The following OTULIN variants were observed in gnomAD, a reference collection of about 807,000 sequenced individuals.
OTULIN encodes the protein ubiquitin thioesterase otulin.
A neutral mutation model predicts 39.6 loss-of-function variants in OTULIN; 15 were observed. The observed-to-expected ratio is 0.38, with a 90% confidence interval of 0.25 to 0.58. OTULIN has a LOEUF of 0.58. Among genes scored for constraint, OTULIN ranks in the 20% least tolerant of loss-of-function variants. The pLI is 0.66. For missense variants in OTULIN, 319 were observed against 445.9 expected, an observed-to-expected ratio of 0.72 and a Z score of 2.56; for synonymous variants, 156 against 170.3, an observed-to-expected ratio of 0.92 and a Z score of 0.65.
chr5:14,674,425 A>G (rs1251220149), intron 2 of OTULIN, among the ~76,000 whole-genome samples: 1 of 152,254 alleles, frequency 6.6e-6, no homozygotes, highest in African/African-American at 2.4e-5. Flanking sequence ...TGTGTAATGT[A>G]TAAGGAGACT....
chr5:14,678,381 T>C (rs1736158800), intron 2 of OTULIN, among the ~76,000 whole-genome samples: 1 of 152,228 alleles, frequency 6.6e-6, no homozygotes, highest in Non-Finnish European at 1.5e-5. Flanking sequence ...CCTGGAGCTC[T>C]CTGAGCGCAG....
rs1304356377 is a variant in OTULIN at position 14,681,501 on chromosome 5, G to A, written c.362G>A (p.Arg121Gln). 6.2e-7 allele frequency: 1 copy of A among 1,613,524 alleles called. No homozygotes were observed. Among genetic ancestry groups the A allele is most frequent in the East Asian group, 2.2e-5 (1 of 44,858 alleles). Reference sequence around the variant, plus strand: ...GTTTCTCAGAAGTTCACCTCCATACGGCGAGTCCGTGGTGATAATTACTGT... The same window carrying A: ...GTTTCTCAGAAGTTCACCTCCATACAGCGAGTCCGTGGTGATAATTACTGT... Reference protein sequence around the residue: ...EEVSQKFTSIRRVRGDNYCAL... With the variant: ...EEVSQKFTSIQRVRGDNYCAL... The change falls in exon 4 of 7, where the codon CGG becomes CAG. Residue 121 changes from arginine to glutamine, a missense_variant. Arg to Gln is a conservative substitution (Grantham distance 43). This residue lies in a region of OTULIN where 27 missense variants were observed against 58.8 expected (regional missense o/e 0.46). Coordinates refer to ENST00000284274, the MANE Select transcript of OTULIN (RefSeq NM_138348.6).
chr5:14,714,820 G>A, the OTULIN span, among the ~76,000 whole-genome samples: 1 of 152,214 alleles, frequency 6.6e-6, no homozygotes, highest in Non-Finnish European at 1.5e-5. Context: ...GTGTCAAATG[G>A]ACAGTAAAGG....
intron 1 of OTULIN, among the ~76,000 whole-genome samples, chr5:14,670,721 C>T (rs1195455827): frequency 6.6e-6 from 1 of 152,104 alleles, no homozygotes; most frequent in African/African-American, 2.4e-5. Context: ...CCTCTCTCCT[C>T]AGCCTCCTTT....
At chr5:14,713,811 C>T in the OTULIN span, 1 of 1,212,788 alleles carries the variant, frequency 8.2e-7, no homozygotes, top group African/African-American at 1.5e-5. The surrounding 1 kb of genome is among the most constrained non-coding windows in gnomAD (Gnocchi z 4.4). Flanking sequence ...ACCTCATCTT[C>T]CTGCCAGGGT....
the OTULIN span, chr5:14,713,464 G>A: frequency 5.7e-6 from 9 of 1,574,502 alleles, no homozygotes; most frequent in South Asian, 9.1e-5. This position sits in a 1 kb window ranked among gnomAD's most constrained non-coding sequence, Gnocchi z 4.4. Flanking sequence ...GATTTCCCCT[G>A]AAAATGTAGC....
chr5:14,671,903 C>A (rs1222476048), intron 1 of OTULIN, among the ~76,000 whole-genome samples: 1 of 151,968 alleles, frequency 6.6e-6, no homozygotes, highest in Non-Finnish European at 1.5e-5. Context: ...TAAAAAAGCC[C>A]TTTAAGGTGA....
rs549009520 is a variant in OTULIN at position 14,690,326 on chromosome 5, G to T, written c.864+18G>T. On this transcript the variant is annotated intron_variant, in intron 6 of 6. Coordinates refer to ENST00000284274, the MANE Select transcript of OTULIN (RefSeq NM_138348.6). This position sits in a 1 kb window ranked among gnomAD's most constrained non-coding sequence, Gnocchi z 4.5. ...TTGAACAGGTAAGTTGTGCTTTTGA[G>T]CATGTATTACCCCAAAATAAAGCAG... is the stretch of plus-strand genomic sequence containing the variant. The T allele has an allele frequency of 6.2e-7, 1 of 1,609,202 alleles. No homozygotes were observed. Among genetic ancestry groups the T allele is most frequent in the Non-Finnish European group, 8.5e-7 (1 of 1,177,442 alleles).
the OTULIN span, chr5:14,711,286 C>T: frequency 6.2e-7 from 1 of 1,613,996 alleles, no homozygotes; most frequent in Non-Finnish European, 8.5e-7. Context: ...CCCTCCGTGG[C>T]CGACTCATTC....
intron 4 of OTULIN, among the ~76,000 whole-genome samples, chr5:14,686,132 C>T (rs911859472): frequency 6.6e-6 from 1 of 152,262 alleles, no homozygotes; most frequent in Non-Finnish European, 1.5e-5. Flanking sequence ...TTGTAGAAAC[C>T]ACCTTAGTTC....
intron 5 of OTULIN, among the ~76,000 whole-genome samples, chr5:14,688,476 G>T (rs1561000957): frequency 1.3e-5 from 2 of 152,202 alleles, no homozygotes; most frequent in Non-Finnish European, 2.9e-5. Context: ...AGACTGTCCT[G>T]TGCATTCCTT....
intron 2 of OTULIN, among the ~76,000 whole-genome samples, chr5:14,677,248 CCAG>C (rs753845309): frequency 2.2e-4 from 33 of 152,196 alleles, no homozygotes; most frequent in Non-Finnish European, 4.1e-4. Flanking sequence ...CTTTTCTCCT[CCAG>C]CAGTCCATAA....
the OTULIN span, chr5:14,713,608 C>A: frequency 6.2e-7 from 1 of 1,614,170 alleles, no homozygotes; most frequent in South Asian, 1.1e-5. The surrounding 1 kb of genome is among the most constrained non-coding windows in gnomAD (Gnocchi z 4.4). Flanking sequence ...GAGCTGGGGG[C>A]AAGGACGAAG....
At chr5:14,702,072 G>GC (rs1235028404), downstream of OTULIN, among the ~76,000 whole-genome samples, 6 of 152,170 alleles carry the variant, frequency 3.9e-5, no homozygotes, top group African/African-American at 1.4e-4. Flanking sequence ...GTGAGCAGGA[G>GC]CCCCCTGAGC....
the OTULIN span, chr5:14,709,632 A>C: frequency 6.6e-6 from 1 of 152,354 alleles, no homozygotes; most frequent in African/African-American, 2.4e-5. Flanking sequence ...TTGCACTTCT[A>C]TTCCTACTCC....
intron 2 of OTULIN, 41 bp downstream of exon 2, chr5:14,673,759 T>G (rs1024841141): frequency 9.0e-6 from 14 of 1,552,762 alleles, no homozygotes; most frequent in Non-Finnish European, 1.1e-5. Flanking sequence ...TCTTATTGTT[T>G]ATAGCAGAAA....
intron 1 of OTULIN, 62 bp downstream of exon 1, chr5:14,665,039 C>T: frequency 2.0e-6 from 2 of 1,013,290 alleles, no homozygotes; most frequent in Non-Finnish European, 1.2e-6. Flanking sequence ...CTCCGGAAGC[C>T]GGGCTGGGGT....
chr5:14,709,116 A>T, the OTULIN span: 1 of 151,458 alleles, frequency 6.6e-6, no homozygotes, highest in Non-Finnish European at 1.5e-5. Flanking sequence ...CTGGTCTCAA[A>T]CTCCTGACCT....
the OTULIN span, chr5:14,710,315 C>T: frequency 3.3e-5 from 5 of 152,214 alleles, no homozygotes; most frequent in Admixed American, 6.5e-5. Flanking sequence ...CCATGTGACT[C>T]GCTCTAATGC....
Sources: allele counts gnomAD v4.1 joint callset (sites outside exome capture counted in the v4.1 genomes callset), GRCh38; gene constraint gnomAD v4.1.1; regional missense constraint gnomAD v4.1.1; non-coding constraint Gnocchi (gnomAD v3.1); transcripts MANE v1.5; gene names NCBI Gene and HGNC (gene_info 2026-07-23, HGNC 2026-07-21).